The following TG variants were observed in gnomAD, a reference collection of about 807,000 sequenced individuals.
TG encodes the protein thyroid hormones.
A neutral mutation model predicts 324.7 loss-of-function variants in TG; 270 were observed. That is an observed-to-expected ratio of 0.83 (90% CI 0.75 to 0.92). The LOEUF (loss-of-function observed/expected upper bound fraction) is 0.92, where lower values mean the gene tolerates loss of function less well. Ranked by LOEUF, TG falls within the 40% of genes least tolerant of loss-of-function variation. The pLI, the probability that TG is intolerant of heterozygous loss-of-function variation, is 0.00. For missense variants in TG, 3,591 were observed against 3,456.4 expected (o/e 1.04, Z -0.98); for synonymous variants, 1,401 against 1,327.0 (o/e 1.06, Z -1.21).
At position 132,891,109 on chromosome 8, in the gene TG, C is replaced by T. The variant is rs114116190; in HGVS notation, c.2761+2541C>T. ...GGTGGAGGGCGCTCAGAGAAAGGGG[C>T]TACTAACTCATTGAAGATTGGGGTA... On this transcript the variant is annotated intron_variant, in intron 10 of 47. Transcript: ENST00000220616. Among the ~76,000 whole-genome samples, 595 of 152,176 alleles carry T rather than the reference C, an allele frequency of 3.9e-3. 4 individuals are homozygous for T. The highest frequency in any genetic ancestry group is 0.012 in the African/African-American group (505 of 41,480).
chr8:132,919,169 T>TC (rs1300809053), intron 20 of TG, among the ~76,000 whole-genome samples: 1 of 152,134 alleles, frequency 6.6e-6, no homozygotes, highest in African/African-American at 2.4e-5. Flanking sequence ...GCATGTCACT[T>TC]CCCGGACAGC....
chr8:132,869,901 T>C, intron 3 of TG, 75 bp downstream of exon 3: 1 of 1,376,926 alleles, frequency 7.3e-7, no homozygotes, highest in Non-Finnish European at 1.0e-6. Context: ...GCACTGGGTT[T>C]GGGTGGGTGA....
At chr8:132,992,894 G>T (rs954074948) in intron 35 of TG, among the ~76,000 whole-genome samples, 5 of 152,208 alleles carry the variant, frequency 3.3e-5, no homozygotes, top group African/African-American at 1.2e-4. Flanking sequence ...TTTACTTGTT[G>T]AGTGTTGCTT....
intron 35 of TG, among the ~76,000 whole-genome samples, chr8:132,984,244 G>T (rs182021718): frequency 1.6e-4 from 24 of 152,368 alleles, no homozygotes; most frequent in Admixed American, 1.5e-3. Flanking sequence ...TGGCTGGAGA[G>T]ACAGAATATA....
chr8:132,922,933 A>G (rs937211750), intron 21 of TG, among the ~76,000 whole-genome samples: 1 of 152,182 alleles, frequency 6.6e-6, no homozygotes, highest in Admixed American at 6.5e-5. Context: ...GATTTAGACC[A>G]TAGTAGGAAG....
intron 40 of TG, 70 bp downstream of exon 40, chr8:133,022,220 C>T: frequency 1.9e-6 from 3 of 1,599,806 alleles, no homozygotes; most frequent in African/African-American, 1.3e-5. Context: ...CCCCAAGACC[C>T]ATCCCCTCAC....
Position 132,908,334 on chromosome 8 carries a change from G to T in TG, c.3996G>T (p.Gln1332His), listed in dbSNP as rs748883405. 95 of 1,553,040 alleles carry T rather than the reference G, an allele frequency of 6.1e-5. No homozygotes were observed. Among genetic ancestry groups the T allele is most frequent in the Non-Finnish European group, 8.0e-5 (92 of 1,144,814 alleles). The change falls in exon 18 of 48, where the codon CAG (glutamine) becomes CAT (histidine). Residue 1332 changes from glutamine to histidine, a missense_variant. Transcript: ENST00000220616. ...LDELTARGFC[Q>H]IQVKTFGTLV... ...AGCTGACAGCCCGCGGCTTCTGCCA[G>T]ATCCAGGTACATGCCTGGCCTTCCC...
chr8:133,028,161 T>C (rs1836279997), intron 40 of TG, among the ~76,000 whole-genome samples: 1 of 152,240 alleles, frequency 6.6e-6, no homozygotes, highest in Non-Finnish European at 1.5e-5. Flanking sequence ...CTCTCCTCCT[T>C]GTCCCTGGTA....
At chr8:133,024,307 TTTCTTTCTTTCTTTCTTTCTTTC>T in intron 40 of TG, among the ~76,000 whole-genome samples, 1 of 8,366 alleles carries the variant, frequency 1.2e-4, no homozygotes, top group Non-Finnish European at 2.5e-4. Flanking sequence ...CACAGGCCAT[TTTCTTTCTTTCTTTCTTTCTTTC>T]TTTCTTTCTT....
chr8:133,013,068 A>G (rs765048463), intron 36 of TG, among the ~76,000 whole-genome samples: 2 of 152,224 alleles, frequency 1.3e-5, no homozygotes, highest in Admixed American at 6.5e-5. Flanking sequence ...CCTTAAGTGC[A>G]TGGGGAGCCA....
At chr8:133,081,985 G>A (rs1051610806) in intron 41 of TG, among the ~76,000 whole-genome samples, 26 of 152,212 alleles carry the variant, frequency 1.7e-4, no homozygotes, top group African/African-American at 6.3e-4. Context: ...AGCCAGGAAT[G>A]TTGAAACCTT....
At chr8:132,921,474 A>G (rs576442970) in intron 21 of TG, among the ~76,000 whole-genome samples, 5 of 152,226 alleles carry the variant, frequency 3.3e-5, no homozygotes, top group Non-Finnish European at 4.4e-5. Flanking sequence ...AAACTTCTCT[A>G]TGACTCATTA....
At chr8:132,951,361 A>G (rs1826077863) in intron 27 of TG, among the ~76,000 whole-genome samples, 1 of 152,242 alleles carries the variant, frequency 6.6e-6, no homozygotes, top group African/African-American at 2.4e-5. Flanking sequence ...TTTGGCGTCA[A>G]TAAAATCAAA....
At chr8:132,946,742 C>T (rs977765578) in intron 26 of TG, among the ~76,000 whole-genome samples, 1 of 152,122 alleles carries the variant, frequency 6.6e-6, no homozygotes, top group Non-Finnish European at 1.5e-5. Flanking sequence ...GGAAGTGGGG[C>T]TCTGAGGGCC....
At chr8:132,989,508 T>C (rs768562856) in intron 35 of TG, among the ~76,000 whole-genome samples, 4 of 152,172 alleles carry the variant, frequency 2.6e-5, no homozygotes, top group Non-Finnish European at 5.9e-5. Context: ...CGAAGAGAGA[T>C]GTCTCGTTAC....
chr8:133,076,365 T>A (rs548756631), intron 41 of TG, among the ~76,000 whole-genome samples: 1 of 152,344 alleles, frequency 6.6e-6, no homozygotes, highest in East Asian at 1.9e-4. Context: ...TTTGCAAAGA[T>A]GAATCAAAAC....
chr8:133,074,316 C>G (rs1222979513), intron 41 of TG, among the ~76,000 whole-genome samples: 2 of 152,140 alleles, frequency 1.3e-5, no homozygotes, highest in Non-Finnish European at 2.9e-5. Flanking sequence ...ATCCCTCAAC[C>G]CACCTGGCTC....
chr8:133,035,831 A>T (rs943978160), intron 41 of TG, among the ~76,000 whole-genome samples: 3 of 152,218 alleles, frequency 2.0e-5, no homozygotes, highest in Admixed American at 2.0e-4. Flanking sequence ...CTGGAATTTT[A>T]AAGATTTGTC....
intron 27 of TG, among the ~76,000 whole-genome samples, chr8:132,952,104 A>G (rs1826190580): frequency 6.6e-6 from 1 of 152,216 alleles, no homozygotes; most frequent in Non-Finnish European, 1.5e-5. Context: ...AGGCCCTGGA[A>G]TTTGAATTCC....
Sources: allele counts gnomAD v4.1 joint callset (sites outside exome capture counted in the v4.1 genomes callset), GRCh38; gene constraint gnomAD v4.1.1; transcripts MANE v1.5; gene names NCBI Gene and HGNC (gene_info 2026-07-23, HGNC 2026-07-21).